PCDHAC2: variants seen among roughly 807,000 people sequenced by gnomAD.
PCDHAC2 encodes protocadherin alpha subfamily C, 2.
PCDHAC2 carries 24 observed loss-of-function variants against 63.3 expected under a neutral mutation model. The observed-to-expected ratio is 0.38, with a 90% CI of 0.27 to 0.53. The LOEUF (loss-of-function observed/expected upper bound fraction) is 0.53, where lower values mean the gene tolerates loss of function less well. Among genes scored for constraint, PCDHAC2 ranks in the 20% least tolerant of loss-of-function variants. PCDHAC2 has a pLI of 0.81. For missense variants in PCDHAC2, 1,181 were observed against 1,275.2 expected (o/e 0.93, Z 1.12); for synonymous variants, 569 against 529.4 (o/e 1.07, Z -1.03).
At chr5:140,978,572 A>T (rs1322135580) in intron 1 of PCDHAC2, among the ~76,000 whole-genome samples, 2 of 152,234 alleles carry the variant, frequency 1.3e-5, no homozygotes, top group Non-Finnish European at 2.9e-5. Flanking sequence ...GTAATACTGA[A>T]TTGGGAATGT....
At position 140,985,395 on chromosome 5, in the gene PCDHAC2, C is replaced by G. The variant is rs377641758; in HGVS notation, c.2713+2832C>G. 2.6e-5 allele frequency among the ~76,000 whole-genome samples: 4 copies of G among 152,302 alleles called. No individual in the cohort carries two copies. The East Asian group carries it at 7.7e-4, about 29-fold the overall frequency. On this transcript the variant is annotated intron_variant, in intron 3 of 3. Coordinates refer to ENST00000289269, the MANE Select transcript of PCDHAC2 (RefSeq NM_018899.6). ...GGTCTATATAATCCAGTCACCCCAACTGTTCCCCTGGAAATGGAGTGAGGA... is the reference window on the plus strand; with the variant it reads ...GGTCTATATAATCCAGTCACCCCAAGTGTTCCCCTGGAAATGGAGTGAGGA...
rs2096261293 is a variant in PCDHAC2 at position 140,968,643 on chromosome 5, A to G, written c.1877A>G (p.Gln626Arg). 1 of 1,614,198 alleles carries G rather than the reference A, an allele frequency of 6.2e-7. No homozygotes were observed. ...GCTTGGCTTTTTTACCATCTAGCCCAGACTTCTGACCTGGACCTCTTTAAG... is the reference window on the plus strand; with the variant it reads ...GCTTGGCTTTTTTACCATCTAGCCCGGACTTCTGACCTGGACCTCTTTAAG... ...QNAWLFYHLA[Q>R]TSDLDLFKVE... Residue 626 changes from glutamine (Q) to arginine (R), a missense_variant, in exon 1 of 4, where the codon CAG becomes CGG. By Grantham distance (43) the Gln-to-Arg change is conservative (BLOSUM62 1). Transcript: ENST00000289269.
chr5:140,997,018 A>AT (rs1162959481), intron 3 of PCDHAC2, among the ~76,000 whole-genome samples: 3 of 151,882 alleles, frequency 2.0e-5, no homozygotes, highest in Admixed American at 1.3e-4. Flanking sequence ...ATCCTCCAAT[A>AT]TTTTTTTGAA....
chr5:141,009,584 A>G, intron 3 of PCDHAC2, 43 bp from the exon 4 acceptor site: 1 of 1,592,004 alleles, frequency 6.3e-7, no homozygotes, highest in Non-Finnish European at 8.6e-7. Context: ...CATCAAGAGC[A>G]TGTGTTGACC....
At chr5:140,999,795 T>C (rs1222111677) in intron 3 of PCDHAC2, among the ~76,000 whole-genome samples, 3 of 152,224 alleles carry the variant, frequency 2.0e-5, no homozygotes, top group Non-Finnish European at 4.4e-5. Context: ...GGCAGAGTTA[T>C]TTTGGGCACA....
At chr5:140,994,733 C>G (rs2097647887) in intron 3 of PCDHAC2, among the ~76,000 whole-genome samples, 1 of 152,034 alleles carries the variant, frequency 6.6e-6, no homozygotes, top group Non-Finnish European at 1.5e-5. Context: ...CTGGGTATTG[C>G]AGGATGGCAA....
intron 1 of PCDHAC2, among the ~76,000 whole-genome samples, chr5:140,974,134 C>T (rs1212348196): frequency 1.3e-5 from 2 of 152,290 alleles, no homozygotes; most frequent in East Asian, 1.9e-4. Flanking sequence ...AATCTGCTAA[C>T]CTGAAAACTA....
intron 3 of PCDHAC2, among the ~76,000 whole-genome samples, chr5:140,990,932 G>A (rs1161440839): frequency 6.6e-6 from 1 of 152,154 alleles, no homozygotes; most frequent in African/African-American, 2.4e-5. Flanking sequence ...ATCCCATACT[G>A]TTGCCTCCTG....
At chr5:140,996,226 G>C (rs2097717630) in intron 3 of PCDHAC2, among the ~76,000 whole-genome samples, 1 of 152,196 alleles carries the variant, frequency 6.6e-6, no homozygotes, top group South Asian at 2.1e-4. Context: ...GTCTAGAAAT[G>C]GTTGCTCAAG....
intron 3 of PCDHAC2, among the ~76,000 whole-genome samples, chr5:141,008,031 T>C (rs566619568): frequency 1.3e-5 from 2 of 152,336 alleles, no homozygotes; most frequent in Admixed American, 6.5e-5. Flanking sequence ...TTCTTGTTAA[T>C]CTGCCTTTTG....
intron 3 of PCDHAC2, among the ~76,000 whole-genome samples, chr5:141,007,994 T>G (rs1339008337): frequency 5.9e-5 from 9 of 152,262 alleles, no homozygotes. Flanking sequence ...GAAATGTACA[T>G]GTTAATAAAC....
intron 3 of PCDHAC2, among the ~76,000 whole-genome samples, chr5:140,991,081 AAAATT>A (rs782742337): frequency 6.6e-6 from 1 of 152,236 alleles, no homozygotes. Flanking sequence ...TTCAGATAAA[AAAATT>A]AAAGCTCATA....
In PCDHAC2 at chr5:140,969,369, C is replaced by A. The variant is rs782020561; in HGVS notation, c.2565+38C>A. The A allele has an allele frequency of 1.3e-5, 21 of 1,607,718 alleles. 2 individuals carry two copies. In the South Asian group the frequency reaches 2.3e-4, roughly 18 times the overall value. ...TCAGGGGGTCTTCTACAAACTCATG[C>A]ATTTGTTACACATCCCCCAATATCC... is the stretch of plus-strand genomic sequence containing the variant. On this transcript the variant is annotated intron_variant, in intron 1 of 3. Transcript: ENST00000289269.
chr5:140,987,462 A>C (rs2097255249), intron 3 of PCDHAC2, among the ~76,000 whole-genome samples: 1 of 152,154 alleles, frequency 6.6e-6, no homozygotes, highest in African/African-American at 2.4e-5. Flanking sequence ...AATTGTTAAG[A>C]GCTCAAGCTT....
At position 140,967,254 on chromosome 5, in the gene PCDHAC2, C is replaced by G; in HGVS notation, c.488C>G (p.Pro163Arg). Residue 163 changes from proline (P) to arginine (R), a missense_variant, in exon 1 of 4, where the codon CCT becomes CGT. By Grantham distance (103) the Pro-to-Arg change is moderately radical. Transcript: ENST00000289269. ...YQLQVSESVA[P>R]GARFHIESAQ... is the part of the protein sequence containing the mutation. ...CTTCAGGTAAGCGAATCGGTGGCGCCTGGAGCGCGCTTTCACATAGAGAGT... is the reference window on the plus strand; with the variant it reads ...CTTCAGGTAAGCGAATCGGTGGCGCGTGGAGCGCGCTTTCACATAGAGAGT... 3 of 1,613,562 alleles carry G rather than the reference C, an allele frequency of 1.9e-6. No homozygotes were observed. The highest frequency in any genetic ancestry group is 2.5e-6 in the Non-Finnish European group (3 of 1,179,870).
rs957445106 is a variant in PCDHAC2, at chr5:140,980,862, G to A, written c.2625-1613G>A. Among the ~76,000 whole-genome samples the A allele has an allele frequency of 5.1e-4, 77 of 152,202 alleles. 2 individuals are homozygous for A. Among genetic ancestry groups the A allele is most frequent in the African/African-American group, 1.7e-3 (72 of 41,546 alleles). ...AATAATACTAATCTTTTTCGTATGT[G>A]TGCTTGGGTGTTCTCGGTCTTTCCA... On this transcript the variant is annotated intron_variant, in intron 2 of 3. Coordinates refer to ENST00000289269, the MANE Select transcript of PCDHAC2 (RefSeq NM_018899.6).
rs140423301 is a variant in PCDHAC2 at position 140,995,612 on chromosome 5, C to T, written c.2713+13049C>T. Among the ~76,000 whole-genome samples, 11 of 152,156 alleles carry T rather than the reference C, an allele frequency of 7.2e-5. No individual in the cohort carries two copies. In the East Asian group the frequency reaches 2.1e-3, roughly 29 times the overall value. On this transcript the variant is annotated intron_variant, in intron 3 of 3. Transcript: ENST00000289269. ...AACTTAGTGTTTTTCTTCTCCCAAA[C>T]CAAATATTGGAAACTTTGGAGTGTT... is the stretch of plus-strand genomic sequence containing the variant.
intron 3 of PCDHAC2, among the ~76,000 whole-genome samples, chr5:141,007,324 A>G (rs35241677): frequency 0.053 from 8,037 of 150,420 alleles, 253 homozygotes; most frequent in South Asian, 0.11. Context: ...GCTAAAGTGG[A>G]CAGATTGCCT....
At chr5:140,987,239 G>T (rs1005484275) in intron 3 of PCDHAC2, among the ~76,000 whole-genome samples, 6 of 151,586 alleles carry the variant, frequency 4.0e-5, no homozygotes, top group East Asian at 1.9e-4. Flanking sequence ...AATAAATAAA[G>T]AAAGAAAGAC....
Sources: allele counts gnomAD v4.1 joint callset (sites outside exome capture counted in the v4.1 genomes callset), GRCh38; gene constraint gnomAD v4.1.1; transcripts MANE v1.5; gene names NCBI Gene and HGNC (gene_info 2026-07-23, HGNC 2026-07-21).